The following ANK3 variants were observed in gnomAD, a reference collection of about 807,000 sequenced individuals.
The protein encoded by ANK3 is ankyrin 3.
ANK3 carries 57 observed loss-of-function variants against 370.9 expected under a neutral mutation model. That is an observed-to-expected ratio of 0.15 (90% CI 0.12 to 0.19). The LOEUF is 0.19. ANK3 is among the 10% of genes least tolerant of loss of function. The probability of loss-of-function intolerance (pLI) is 1.00; values close to 1 mark genes in which losing one functional copy is unlikely to be tolerated. For synonymous variants in ANK3, 1,929 were observed against 1,946.3 expected (o/e 0.99, Z 0.23); for missense variants, 4,439 against 5,302.1 (o/e 0.84, Z 5.06).
At chr10:60,537,180 C>G (rs970041328) in intron 2 of ANK3, among the ~76,000 whole-genome samples, 12 of 151,974 alleles carry the variant, frequency 7.9e-5, no homozygotes, top group African/African-American at 2.9e-4. Flanking sequence ...TCTTTTCATT[C>G]AGAGACTGTT....
chr10:60,557,549 A>T (rs1015484018), intron 2 of ANK3, among the ~76,000 whole-genome samples: 1 of 152,140 alleles, frequency 6.6e-6, no homozygotes, highest in African/African-American at 2.4e-5. Context: ...TCTAGAACCA[A>T]AGAGTGGTGA....
chr10:60,226,490 C>T (rs550523861), intron 8 of ANK3, among the ~76,000 whole-genome samples: 29 of 63,380 alleles, frequency 4.6e-4, no homozygotes, highest in African/African-American at 3.6e-3. Context: ...TATATATATA[C>T]ATATACTATA....
intron 28 of ANK3, among the ~76,000 whole-genome samples, chr10:60,089,387 CCT>C (rs1404792525): frequency 6.6e-6 from 1 of 151,640 alleles, no homozygotes; most frequent in Non-Finnish European, 1.5e-5. Flanking sequence ...GTGTTCAGGC[CCT>C]GTTTTAGTTT....
At position 60,073,427 on chromosome 10, in the gene ANK3, G is replaced by A. The variant is rs1166133140; in HGVS notation, c.7454C>T (p.Thr2485Ile). ...TGAGCTAGGGGGTCCTGCATGGTCT[G>A]TAACCGATTCCTCAGTATCAGAATG... ...VSHSDTEESV[T>I]DHAGPPSSEL... The change falls in exon 37 of 44, where the codon ACA becomes ATA. Residue 2485 changes from threonine (T) to isoleucine (I), a missense_variant. Thr to Ile is a moderately conservative substitution (Grantham distance 89, BLOSUM62 -1). This residue lies in a region of ANK3 where 1,601 missense variants were observed against 1,731.7 expected (regional missense o/e 0.92). Coordinates refer to ENST00000280772, the MANE Select transcript of ANK3 (RefSeq NM_020987.5). 1 of 1,613,904 alleles carries A rather than the reference G, an allele frequency of 6.2e-7. No individual in the cohort carries two copies. Among genetic ancestry groups the A allele is most frequent in the Non-Finnish European group, 8.5e-7 (1 of 1,179,976 alleles).
At chr10:60,375,216 C>T (rs998576719) in intron 1 of ANK3, among the ~76,000 whole-genome samples, 2 of 152,146 alleles carry the variant, frequency 1.3e-5, no homozygotes, top group Admixed American at 6.5e-5. Context: ...TAATCAAGCA[C>T]GAGTACTAGG....
intron 2 of ANK3, among the ~76,000 whole-genome samples, chr10:60,453,745 GAC>G (rs748790010): frequency 6.0e-5 from 9 of 150,594 alleles, no homozygotes; most frequent in Non-Finnish European, 8.9e-5. Flanking sequence ...CACACAGACA[GAC>G]ACACACACAC....
intron 1 of ANK3, among the ~76,000 whole-genome samples, chr10:60,618,877 C>T (rs2078298785): frequency 6.6e-6 from 1 of 152,064 alleles, no homozygotes; most frequent in Non-Finnish European, 1.5e-5. Flanking sequence ...AAATACATGT[C>T]TTTCTGTGCT....
rs765007870 is a variant in ANK3, at chr10:60,074,220, T to C, written c.6661A>G (p.Met2221Val). The C allele has an allele frequency of 2.5e-5, 40 of 1,614,046 alleles. No homozygotes were observed. The highest frequency in any genetic ancestry group is 1.6e-4 in the Middle Eastern group (1 of 6,084). ...TCATCTTCTTCACTACTGGCTTTCA[T>C]TTGAAATGCTTTAACCTTTTCTTTA... is the stretch of plus-strand genomic sequence containing the variant. ...SIKEKVKAFQMKASSEEDDHN... is the reference protein window; with the variant it reads ...SIKEKVKAFQVKASSEEDDHN... Residue 2221 changes from methionine (M) to valine (V), a missense_variant, in exon 37 of 44, where the codon ATG becomes GTG. By Grantham distance (21) the Met-to-Val change is conservative (BLOSUM62 1). Around this residue, in one of 13 missense-constraint regions of ANK3, gnomAD observed 1,601 missense variants for 1,731.7 expected, o/e 0.92. Transcript: ENST00000280772.
At chr10:60,303,187 CA>C (rs1227107311) in intron 1 of ANK3, among the ~76,000 whole-genome samples, 3 of 152,036 alleles carry the variant, frequency 2.0e-5, no homozygotes, top group Non-Finnish European at 2.9e-5. Context: ...GCTCAGGCCA[CA>C]AAAGCGAAAA....
At chr10:60,199,860 A>G (rs2096646231) in intron 13 of ANK3, among the ~76,000 whole-genome samples, 1 of 152,224 alleles carries the variant, frequency 6.6e-6, no homozygotes, top group African/African-American at 2.4e-5. Context: ...GTCTAGATTC[A>G]GTCCCCAATC....
chr10:60,366,695 AC>A (rs2132763147), intron 1 of ANK3, among the ~76,000 whole-genome samples: 1 of 152,280 alleles, frequency 6.6e-6, no homozygotes, highest in South Asian at 2.1e-4. Context: ...ATTCAGAGTA[AC>A]TTGGTAGCCA....
At chr10:60,191,677 A>G (rs944185511) in intron 16 of ANK3, among the ~76,000 whole-genome samples, 29 of 152,218 alleles carry the variant, frequency 1.9e-4, no homozygotes, top group African/African-American at 6.8e-4. Context: ...GAGATATCTC[A>G]AAGAACTAAA....
chr10:60,636,195 T>G (rs560474227), intron 1 of ANK3, among the ~76,000 whole-genome samples: 5 of 152,300 alleles, frequency 3.3e-5, no homozygotes, highest in African/African-American at 9.6e-5. Context: ...CAAATTTAAT[T>G]TCTATATCCA....
intron 18 of ANK3, among the ~76,000 whole-genome samples, chr10:60,180,590 G>A (rs1223464738): frequency 2.1e-4 from 8 of 37,884 alleles, no homozygotes; most frequent in African/African-American, 8.3e-4. Context: ...GTGAGACTCC[G>A]TCTCAAAAAA....
At chr10:60,647,056 A>G (rs2078718283) in intron 1 of ANK3, among the ~76,000 whole-genome samples, 1 of 152,232 alleles carries the variant, frequency 6.6e-6, no homozygotes, top group Non-Finnish European at 1.5e-5. Flanking sequence ...AAGCACAATA[A>G]CAATAACATA....
At chr10:60,530,855 C>T (rs1232218405) in intron 2 of ANK3, among the ~76,000 whole-genome samples, 1 of 152,094 alleles carries the variant, frequency 6.6e-6, no homozygotes, top group African/African-American at 2.4e-5. Context: ...TGGCGTTTGC[C>T]TCCTAATCAT....
At chr10:60,677,769 C>T (rs1388288898) in intron 1 of ANK3, among the ~76,000 whole-genome samples, 2 of 149,090 alleles carry the variant, frequency 1.3e-5, no homozygotes, top group African/African-American at 5.0e-5. Context: ...CCAAACTAAT[C>T]CTTTCTCAAC....
chr10:60,048,457 ACTT>A (rs1564608851), intron 42 of ANK3, among the ~76,000 whole-genome samples: 1 of 152,208 alleles, frequency 6.6e-6, no homozygotes, highest in Non-Finnish European at 1.5e-5. Context: ...AAGAGAATAC[ACTT>A]GTTCCTTAGT....
chr10:60,690,576 G>GA (rs552569780), intron 1 of ANK3, among the ~76,000 whole-genome samples: 3 of 151,096 alleles, frequency 2.0e-5, no homozygotes, highest in South Asian at 2.1e-4. Context: ...ATAAATTTTT[G>GA]AAAAAAAATA....
Sources: allele counts gnomAD v4.1 joint callset (sites outside exome capture counted in the v4.1 genomes callset), GRCh38; gene constraint gnomAD v4.1.1; regional missense constraint gnomAD v4.1.1; transcripts MANE v1.5; gene names NCBI Gene and HGNC (gene_info 2026-07-23, HGNC 2026-07-21).